The following GPATCH2 variants were observed in gnomAD, a reference collection of about 807,000 sequenced individuals.
GPATCH2 encodes the protein G-patch domain containing 2.
Under a neutral mutation model 58.0 loss-of-function variants are expected in GPATCH2, and 51 were observed. That is an observed-to-expected ratio of 0.88 (90% CI 0.70 to 1.11). The LOEUF (loss-of-function observed/expected upper bound fraction) is 1.11. GPATCH2 is among the 50% of genes most tolerant of loss of function. The pLI, the probability that GPATCH2 is intolerant of heterozygous loss-of-function variation, is 0.00. For missense variants in GPATCH2, 625 were observed against 652.2 expected (o/e 0.96, Z 0.45); for synonymous variants, 222 against 218.5 (o/e 1.02, Z -0.14).
intron 7 of GPATCH2, among the ~76,000 whole-genome samples, chr1:217,497,455 A>G (rs1164477686): frequency 6.6e-6 from 1 of 152,118 alleles, no homozygotes; most frequent in Non-Finnish European, 1.5e-5. Context: ...TATGTGTGTT[A>G]AAAAATAAAG....
At chr1:217,434,803 G>A (rs1187133441) in intron 9 of GPATCH2, among the ~76,000 whole-genome samples, 4 of 152,138 alleles carry the variant, frequency 2.6e-5, no homozygotes, top group Admixed American at 2.6e-4. Context: ...GGTAGCCCAG[G>A]GGTGACCACC....
intron 8 of GPATCH2, among the ~76,000 whole-genome samples, chr1:217,477,750 G>C (rs1163229513): frequency 6.6e-6 from 1 of 152,170 alleles, no homozygotes; most frequent in Non-Finnish European, 1.5e-5. Context: ...CAGAACACCA[G>C]GTAGACTTCT....
intron 5 of GPATCH2, among the ~76,000 whole-genome samples, chr1:217,552,375 T>A (rs1665407304): frequency 6.6e-6 from 1 of 152,144 alleles, no homozygotes; most frequent in African/African-American, 2.4e-5. Context: ...TCATATAATT[T>A]AATTTAATAA....
At chr1:217,607,069 C>T (rs893203796) in intron 5 of GPATCH2, among the ~76,000 whole-genome samples, 34 of 152,182 alleles carry the variant, frequency 2.2e-4, no homozygotes, top group African/African-American at 7.7e-4. Context: ...AAATTTTCTG[C>T]AATATCACTT....
At chr1:217,613,759 A>G (rs1384851392) in intron 3 of GPATCH2, among the ~76,000 whole-genome samples, 1 of 152,190 alleles carries the variant, frequency 6.6e-6, no homozygotes, top group Non-Finnish European at 1.5e-5. Flanking sequence ...AAAATGACAA[A>G]TGACTTGGAA....
intron 1 of GPATCH2, among the ~76,000 whole-genome samples, chr1:217,620,926 C>G (rs997909820): frequency 1.3e-5 from 2 of 152,186 alleles, no homozygotes; most frequent in African/African-American, 4.8e-5. Context: ...ATGAAATCTT[C>G]TATTCACCAC....
At chr1:217,524,535 G>C (rs1311894838) in intron 5 of GPATCH2, among the ~76,000 whole-genome samples, 3 of 151,784 alleles carry the variant, frequency 2.0e-5, no homozygotes, top group African/African-American at 7.2e-5. Context: ...GTTGTAGCGA[G>C]CTGAGATCAC....
intron 5 of GPATCH2, among the ~76,000 whole-genome samples, chr1:217,582,164 C>T (rs1000936298): frequency 5.3e-4 from 80 of 152,248 alleles, no homozygotes; most frequent in African/African-American, 1.8e-3. Flanking sequence ...TACTTCTTTT[C>T]GTCTATACAC....
intron 5 of GPATCH2, among the ~76,000 whole-genome samples, chr1:217,522,610 A>G (rs113210531): frequency 0.026 from 4,004 of 152,336 alleles, 77 homozygotes; most frequent in East Asian, 0.076. Flanking sequence ...TCTTTTATGA[A>G]TAAATGACAA....
At chr1:217,564,000 C>T (rs1285655864) in intron 5 of GPATCH2, among the ~76,000 whole-genome samples, 3 of 124,222 alleles carry the variant, frequency 2.4e-5, no homozygotes, top group Admixed American at 1.1e-4. Flanking sequence ...GCTGAGATCG[C>T]GGCATTGCAC....
At chr1:217,615,506 A>G (rs1295084454) in intron 2 of GPATCH2, among the ~76,000 whole-genome samples, 1 of 152,128 alleles carries the variant, frequency 6.6e-6, no homozygotes, top group Admixed American at 6.6e-5. Flanking sequence ...CACCTCAGAA[A>G]CTATCTTTCT....
At chr1:217,498,081 G>T (rs1316370697) in intron 7 of GPATCH2, 2 of 556,408 alleles carry the variant, frequency 3.6e-6, no homozygotes, top group Non-Finnish European at 6.4e-6. Flanking sequence ...AAGATCAATA[G>T]TGAGGTCCTA....
At chr1:217,464,735 G>C (rs901275431) in intron 8 of GPATCH2, among the ~76,000 whole-genome samples, 1 of 152,150 alleles carries the variant, frequency 6.6e-6, no homozygotes, top group Non-Finnish European at 1.5e-5. Flanking sequence ...CCAGAATTTT[G>C]ATTGGTTTAT....
At chr1:217,535,734 G>A (rs1175631003) in intron 5 of GPATCH2, among the ~76,000 whole-genome samples, 1 of 152,138 alleles carries the variant, frequency 6.6e-6, no homozygotes, top group East Asian at 1.9e-4. Flanking sequence ...ATACTACCTA[G>A]AATATTTGTT....
At chr1:217,487,931 G>A (rs1343729993) in intron 8 of GPATCH2, among the ~76,000 whole-genome samples, 2 of 151,976 alleles carry the variant, frequency 1.3e-5, no homozygotes, top group East Asian at 3.9e-4. Context: ...TAGTAGAGAC[G>A]CGGTTTCACC....
intron 5 of GPATCH2, among the ~76,000 whole-genome samples, chr1:217,532,546 G>C (rs1664244566): frequency 6.6e-6 from 1 of 152,060 alleles, no homozygotes; most frequent in Non-Finnish European, 1.5e-5. Context: ...TTTTACTCTA[G>C]AGAGCCACAA....
chr1:217,529,300 TC>T (rs1664071860), intron 5 of GPATCH2, among the ~76,000 whole-genome samples: 1 of 152,160 alleles, frequency 6.6e-6, no homozygotes, highest in South Asian at 2.1e-4. Flanking sequence ...TGAAATTTGG[TC>T]CCTGGCATAA....
At position 217,537,878 on chromosome 1, in the gene GPATCH2, CAAT is replaced by C. The variant is rs527435316; in HGVS notation, c.1099-22992_1099-22990del. ...AAAAATTACAAAACTTATTTAAAGA[CAAT>C]AAGCAGATTATAATATCTAACTACT... On this transcript the variant is annotated intron_variant, in intron 5 of 9. Coordinates refer to ENST00000366935, the MANE Select transcript of GPATCH2 (RefSeq NM_018040.5). 8.4e-3 allele frequency among the ~76,000 whole-genome samples: 1,280 copies of C among 152,190 alleles called. 8 individuals carry two copies. The highest frequency in any genetic ancestry group is 0.041 in the Middle Eastern group (12 of 294).
intron 5 of GPATCH2, among the ~76,000 whole-genome samples, chr1:217,591,529 T>C (rs1182206530): frequency 6.6e-6 from 1 of 152,124 alleles, no homozygotes; most frequent in Non-Finnish European, 1.5e-5. Flanking sequence ...TATCTTATTA[T>C]GTGAGTTACT....
Sources: allele counts gnomAD v4.1 joint callset (sites outside exome capture counted in the v4.1 genomes callset), GRCh38; gene constraint gnomAD v4.1.1; transcripts MANE v1.5; gene names NCBI Gene and HGNC (gene_info 2026-07-23, HGNC 2026-07-21).